Variants in CTNNA2 observed in about 807,000 individuals in gnomAD.
The protein encoded by CTNNA2 is catenin alpha 2, also known as catenin alpha-2.
A neutral mutation model predicts 101.0 loss-of-function variants in CTNNA2; 42 were observed. The observed-to-expected ratio is 0.42, with a 90% CI of 0.32 to 0.54. The LOEUF (loss-of-function observed/expected upper bound fraction) is 0.54, where lower values mean the gene tolerates loss of function less well. CTNNA2 is among the 20% of genes least tolerant of loss of function. The pLI is 0.14. For missense variants in CTNNA2, 871 were observed against 1,223.1 expected (o/e 0.71, Z 4.29); for synonymous variants, 450 against 456.4 (o/e 0.99, Z 0.18).
chr2:80,278,959 T>C (rs1355191586), intron 7 of CTNNA2, among the ~76,000 whole-genome samples: 1 of 151,884 alleles, frequency 6.6e-6, no homozygotes, highest in Non-Finnish European at 1.5e-5. Context: ...AGTGAGACTC[T>C]GTCTCTTACA....
intron 12 of CTNNA2, among the ~76,000 whole-genome samples, chr2:80,560,534 T>A (rs777075468): frequency 1.3e-5 from 2 of 152,184 alleles, no homozygotes; most frequent in African/African-American, 2.4e-5. Context: ...GGCTTCCTGG[T>A]GACTGCACTT....
intron 6 of CTNNA2, among the ~76,000 whole-genome samples, chr2:79,905,121 A>G (rs896429300): frequency 6.6e-6 from 1 of 152,160 alleles, no homozygotes; most frequent in African/African-American, 2.4e-5. Flanking sequence ...CATGCATTCC[A>G]ATTGCCACTC....
intron 4 of CTNNA2, among the ~76,000 whole-genome samples, chr2:79,863,807 G>T (rs1681823149): frequency 6.6e-6 from 1 of 152,100 alleles, no homozygotes; most frequent in South Asian, 2.1e-4. Context: ...GATGACAAAG[G>T]AGTCACTAAG....
chr2:80,371,594 T>A (rs1675447819), intron 7 of CTNNA2, among the ~76,000 whole-genome samples: 2 of 150,708 alleles, frequency 1.3e-5, no homozygotes, highest in South Asian at 2.1e-4. Flanking sequence ...AATATTTGAA[T>A]GAGATCATCA....
intron 4 of CTNNA2, among the ~76,000 whole-genome samples, chr2:79,477,188 T>C (rs1671059749): frequency 6.7e-6 from 1 of 148,882 alleles, no homozygotes; most frequent in Non-Finnish European, 1.5e-5. Flanking sequence ...TTTTTGTTTT[T>C]GAGACCAAGT....
At chr2:79,590,838 G>C (rs1156856420) in intron 1 of CTNNA2, among the ~76,000 whole-genome samples, 37 of 152,276 alleles carry the variant, frequency 2.4e-4, no homozygotes, top group Non-Finnish European at 8.8e-5. Context: ...AATGGAAAAT[G>C]AGATATTACC....
chr2:79,446,535 C>T (rs961085288), intron 4 of CTNNA2, among the ~76,000 whole-genome samples: 5 of 152,078 alleles, frequency 3.3e-5, no homozygotes, highest in Admixed American at 2.6e-4. Flanking sequence ...ACTCATTATA[C>T]TCAGCCTCAC....
At chr2:79,849,332 A>G (rs1223924865) in intron 3 of CTNNA2, among the ~76,000 whole-genome samples, 2 of 151,596 alleles carry the variant, frequency 1.3e-5, no homozygotes, top group Non-Finnish European at 2.9e-5. Context: ...TTTCTTCTGA[A>G]TACTGCTTAT....
chr2:79,340,544 A>T (rs1426725803), intron 3 of CTNNA2, among the ~76,000 whole-genome samples: 1 of 152,166 alleles, frequency 6.6e-6, no homozygotes, highest in Non-Finnish European at 1.5e-5. Context: ...ATTAAAAGGA[A>T]TACATGAGGC....
At chr2:80,416,950 A>G (rs1457186725) in intron 8 of CTNNA2, among the ~76,000 whole-genome samples, 4 of 151,924 alleles carry the variant, frequency 2.6e-5, no homozygotes. Flanking sequence ...TACTATTAAA[A>G]AGTCTGGTGA....
At chr2:79,570,609 A>G (rs918725272) in intron 1 of CTNNA2, among the ~76,000 whole-genome samples, 3 of 152,172 alleles carry the variant, frequency 2.0e-5, no homozygotes, top group Non-Finnish European at 4.4e-5. Context: ...ACTTTTATAA[A>G]GAGGAAAAAA....
intron 2 of CTNNA2, among the ~76,000 whole-genome samples, chr2:79,701,103 AG>A (rs1684972591): frequency 6.6e-6 from 1 of 152,166 alleles, no homozygotes; most frequent in Admixed American, 6.5e-5. Flanking sequence ...GGCTGACATC[AG>A]TACTAATAAT....
At chr2:79,502,212 G>C (rs1245141735) in intron 4 of CTNNA2, among the ~76,000 whole-genome samples, 2 of 152,116 alleles carry the variant, frequency 1.3e-5, no homozygotes, top group Non-Finnish European at 2.9e-5. Flanking sequence ...CTAAAATTTG[G>C]AGAATATGTG....
intron 12 of CTNNA2, among the ~76,000 whole-genome samples, chr2:80,568,566 C>CGTGTGTGT (rs36104924): frequency 0.015 from 2,255 of 149,412 alleles, 42 homozygotes; most frequent in East Asian, 0.098. Flanking sequence ...TAATGGTGTG[C>CGTGTGTGT]GTGTGTGTGT....
At chr2:79,774,097 A>G (rs1558917854) in intron 3 of CTNNA2, among the ~76,000 whole-genome samples, 1 of 152,158 alleles carries the variant, frequency 6.6e-6, no homozygotes, top group Non-Finnish European at 1.5e-5. Context: ...TGCCTTAACT[A>G]ACAAACTGGT....
intron 1 of CTNNA2, among the ~76,000 whole-genome samples, chr2:79,522,086 G>T (rs922587659): frequency 6.6e-6 from 1 of 152,196 alleles, no homozygotes; most frequent in African/African-American, 2.4e-5. Context: ...TGTTAAGGCA[G>T]AAGCCAAAAC....
At chr2:80,043,012 T>C (rs1354911267) in intron 7 of CTNNA2, among the ~76,000 whole-genome samples, 1 of 149,486 alleles carries the variant, frequency 6.7e-6, no homozygotes, top group Non-Finnish European at 1.5e-5. Context: ...TTCCTTCCTT[T>C]CTTTCCCTTT....
chr2:79,295,241 C>G (rs866820518), intron 2 of CTNNA2, among the ~76,000 whole-genome samples: 18 of 152,284 alleles, frequency 1.2e-4, no homozygotes, highest in African/African-American at 4.1e-4. Flanking sequence ...CAGATAACCT[C>G]AACACTTACC....
intron 3 of CTNNA2, among the ~76,000 whole-genome samples, chr2:79,750,620 T>C (rs1244229044): frequency 6.6e-6 from 1 of 152,124 alleles, no homozygotes; most frequent in Non-Finnish European, 1.5e-5. Flanking sequence ...CCCAGCACTT[T>C]GGGAGGCCAA....
Sources: allele counts gnomAD v4.1 joint callset (sites outside exome capture counted in the v4.1 genomes callset), GRCh38; gene constraint gnomAD v4.1.1; transcripts MANE v1.5; gene names NCBI Gene and HGNC (gene_info 2026-07-23, HGNC 2026-07-21).